UBXN7: variants seen among roughly 807,000 people sequenced by gnomAD.
The protein encoded by UBXN7 is UBX domain-containing protein 7.
UBXN7 carries 9 observed loss-of-function variants against 58.0 expected under a neutral mutation model. The observed-to-expected ratio is 0.16, with a 90% CI of 0.09 to 0.27. The LOEUF is 0.27. UBXN7 is among the 10% of genes least tolerant of loss of function. The pLI is 1.00. For missense variants in UBXN7, 328 were observed against 599.6 expected, an observed-to-expected ratio of 0.55 and a Z score of 4.73; for synonymous variants, 208 against 205.0, an observed-to-expected ratio of 1.01 and a Z score of -0.12.
intron 1 of UBXN7, among the ~76,000 whole-genome samples, chr3:196,416,817 C>A (rs1730499465): frequency 6.6e-6 from 1 of 152,166 alleles, no homozygotes; most frequent in Non-Finnish European, 1.5e-5. Flanking sequence ...ATATTGCCTT[C>A]TCTTAAAAGC....
intron 1 of UBXN7, among the ~76,000 whole-genome samples, chr3:196,429,795 T>C (rs1730967277): frequency 6.6e-6 from 1 of 152,172 alleles, no homozygotes; most frequent in Non-Finnish European, 1.5e-5. Context: ...TTCACAATAT[T>C]TGAAGAACAC....
intron 5 of UBXN7, among the ~76,000 whole-genome samples, chr3:196,374,392 G>A (rs903621227): frequency 6.6e-6 from 1 of 151,998 alleles, no homozygotes; most frequent in Non-Finnish European, 1.5e-5. Context: ...AGATATTAAA[G>A]TAATAGCAGT....
At chr3:196,428,768 C>T (rs1730926428) in intron 1 of UBXN7, among the ~76,000 whole-genome samples, 1 of 149,436 alleles carries the variant, frequency 6.7e-6, no homozygotes, top group African/African-American at 2.5e-5. Flanking sequence ...TGCAGTGAGC[C>T]GTGATCACAC....
At chr3:196,375,292 T>C (rs149079365) in intron 5 of UBXN7, among the ~76,000 whole-genome samples, 4 of 152,002 alleles carry the variant, frequency 2.6e-5, no homozygotes, top group African/African-American at 9.6e-5. Context: ...CATTTTACTA[T>C]GTATATCCAA....
chr3:196,413,560 A>T (rs978020589), intron 1 of UBXN7, among the ~76,000 whole-genome samples: 4 of 151,974 alleles, frequency 2.6e-5, no homozygotes, highest in African/African-American at 9.7e-5. Flanking sequence ...ACATTCTTAG[A>T]CCCTTCTTTC....
chr3:196,390,195 G>A (rs1003785788), intron 5 of UBXN7, among the ~76,000 whole-genome samples: 3 of 151,884 alleles, frequency 2.0e-5, no homozygotes, highest in Admixed American at 2.0e-4. Context: ...CTCCATCCCA[G>A]GTGACAGAAT....
chr3:196,392,391 G>C lies in UBXN7; in HGVS notation c.356-466C>G, dbSNP rs111242924. 7.7e-3 allele frequency among the ~76,000 whole-genome samples: 1,168 copies of C among 151,776 alleles called. 18 individuals carry two copies. Among genetic ancestry groups the C allele is most frequent in the African/African-American group, 0.027 (1,110 of 41,330 alleles). ...ATGGTGGAGCATGCCTGTAATCCCA[G>C]CTACTCGGGAGGCTGAGGCAGGAGA... On this transcript the variant is annotated intron_variant, in intron 4 of 10. Transcript: ENST00000296328.
intron 3 of UBXN7, chr3:196,397,511 G>C (rs1465445574): frequency 6.6e-6 from 1 of 152,338 alleles, no homozygotes; most frequent in Non-Finnish European, 1.5e-5. Flanking sequence ...TGTTTTAAAA[G>C]ATGGGGGTCT....
intron 1 of UBXN7, chr3:196,416,096 A>G (rs1173023166): frequency 6.6e-6 from 1 of 152,258 alleles, no homozygotes; most frequent in African/African-American, 2.4e-5. Context: ...CTGCCATAAC[A>G]GCAACCAATG....
chr3:196,401,280 T>A (rs375335170), intron 3 of UBXN7, among the ~76,000 whole-genome samples: 2,017 of 34,670 alleles, frequency 0.058, 33 homozygotes, highest in Non-Finnish European at 0.064. Context: ...AAAAAATATA[T>A]ATATATATAT....
chr3:196,416,541 G>T (rs1052474688), intron 1 of UBXN7, among the ~76,000 whole-genome samples: 7 of 152,144 alleles, frequency 4.6e-5, no homozygotes, highest in Admixed American at 1.3e-4. Context: ...CAATGCCACT[G>T]CCAGGGGAAC....
intron 8 of UBXN7, 91 bp from the exon 9 acceptor site, chr3:196,362,778 CATT>C (rs2108827814): frequency 6.8e-7 from 1 of 1,460,272 alleles, no homozygotes; most frequent in African/African-American, 1.4e-5. Flanking sequence ...GCTTGCCATT[CATT>C]ATTATGTTCT....
At chr3:196,361,233 G>A (rs775371341) in intron 10 of UBXN7, among the ~76,000 whole-genome samples, 16 of 152,114 alleles carry the variant, frequency 1.1e-4, no homozygotes, top group African/African-American at 1.2e-4. Flanking sequence ...GGAGGATGGC[G>A]ATATGACTGA....
At chr3:196,373,023 TTATAGGC>T (rs1728889596) in intron 5 of UBXN7, among the ~76,000 whole-genome samples, 1 of 152,242 alleles carries the variant, frequency 6.6e-6, no homozygotes, top group Non-Finnish European at 1.5e-5. Flanking sequence ...AGTGCTGGGA[TTATAGGC>T]GTGAGCCACC....
At chr3:196,402,214 T>C (rs1276724678) in intron 3 of UBXN7, among the ~76,000 whole-genome samples, 2 of 152,154 alleles carry the variant, frequency 1.3e-5, no homozygotes, top group Non-Finnish European at 2.9e-5. Flanking sequence ...AGAGATGGGA[T>C]TTTGACATGT....
chr3:196,430,998 CCATGCCCA>C (rs1731015453), intron 1 of UBXN7, among the ~76,000 whole-genome samples: 1 of 152,172 alleles, frequency 6.6e-6, no homozygotes, highest in Admixed American at 6.6e-5. Flanking sequence ...ACCTGATGTT[CCATGCCCA>C]CAAGCTAGAT....
intron 5 of UBXN7, among the ~76,000 whole-genome samples, chr3:196,374,206 A>C (rs1728923987): frequency 6.6e-6 from 1 of 152,182 alleles, no homozygotes; most frequent in Non-Finnish European, 1.5e-5. Flanking sequence ...CCCAAAAACA[A>C]TGACAAGAAA....
At chr3:196,372,328 T>TCTC (rs1173128048) in intron 5 of UBXN7, among the ~76,000 whole-genome samples, 5 of 103,868 alleles carry the variant, frequency 4.8e-5, no homozygotes, top group African/African-American at 1.6e-4. Flanking sequence ...CTCTCTCTCC[T>TCTC]TTCTTTCTTT....
chr3:196,395,626 TGTTTG>T (rs1416366217), intron 3 of UBXN7, among the ~76,000 whole-genome samples: 1 of 151,922 alleles, frequency 6.6e-6, no homozygotes, highest in Non-Finnish European at 1.5e-5. Flanking sequence ...TTTGTTTGTT[TGTTTG>T]TTTTTTTAAG....
Sources: gnomAD v4.1 joint callset for allele counts (sites outside exome capture counted in the v4.1 genomes callset) on GRCh38, gnomAD v4.1.1 for gene constraint, MANE v1.5 for transcripts, NCBI Gene and HGNC (gene_info 2026-07-23, HGNC 2026-07-21) for gene names.